The following RBFOX1 variants were observed in gnomAD, a reference collection of about 807,000 sequenced individuals.
RBFOX1 encodes the protein RNA binding protein fox-1 homolog 1.
Under a neutral mutation model 57.7 loss-of-function variants are expected in RBFOX1, and 8 were observed. The observed-to-expected ratio is 0.14, with a 90% confidence interval of 0.08 to 0.25. The LOEUF is 0.25. RBFOX1 is among the 10% of genes least tolerant of loss of function. The pLI is 1.00. For synonymous variants in RBFOX1, 326 were observed against 222.4 expected, an observed-to-expected ratio of 1.47 and a Z score of -4.15; for missense variants, 611 against 548.5, an observed-to-expected ratio of 1.11 and a Z score of -1.14.
intron 4 of RBFOX1, among the ~76,000 whole-genome samples, chr16:5,954,717 A>G (rs1288466039): frequency 1.3e-5 from 2 of 152,114 alleles, no homozygotes; most frequent in African/African-American, 2.4e-5. Context: ...GCCGTGAGCT[A>G]TTATTTCATC....
intron 3 of RBFOX1, among the ~76,000 whole-genome samples, chr16:6,791,628 G>A (rs1171126920): frequency 6.6e-6 from 1 of 152,166 alleles, no homozygotes; most frequent in African/African-American, 2.4e-5. Flanking sequence ...GTGTAGTGGT[G>A]CGTGCTTGTA....
chr16:5,399,721 G>A (rs912487311), intron 1 of RBFOX1, among the ~76,000 whole-genome samples: 1 of 151,038 alleles, frequency 6.6e-6, no homozygotes. Context: ...GGGTGACAGT[G>A]AGACCCTGTC....
At chr16:6,961,139 ACACACC>A (rs2082903738) in intron 3 of RBFOX1, among the ~76,000 whole-genome samples, 3 of 150,052 alleles carry the variant, frequency 2.0e-5, no homozygotes, top group Middle Eastern at 3.5e-3. Context: ...ACTCCATCAC[ACACACC>A]CACACAGACA....
intron 3 of RBFOX1, among the ~76,000 whole-genome samples, chr16:7,025,153 G>T (rs1202728751): frequency 6.6e-6 from 1 of 152,168 alleles, no homozygotes. Flanking sequence ...AGCCCTGAAG[G>T]CTGCTGCCTG....
chr16:7,209,484 C>G (rs1360666704), intron 4 of RBFOX1, among the ~76,000 whole-genome samples: 2 of 152,216 alleles, frequency 1.3e-5, no homozygotes, highest in African/African-American at 2.4e-5. Flanking sequence ...GGCCTTTGCA[C>G]TTGCAGTTGG....
At chr16:6,486,662 T>TA (rs1378568568) in intron 2 of RBFOX1, among the ~76,000 whole-genome samples, 3 of 151,836 alleles carry the variant, frequency 2.0e-5, no homozygotes, top group Admixed American at 6.6e-5. Flanking sequence ...TTTTATTATT[T>TA]TTTTTTTTGG....
chr16:5,889,375 T>C (rs551666709), intron 4 of RBFOX1, among the ~76,000 whole-genome samples: 1 of 152,344 alleles, frequency 6.6e-6, no homozygotes, highest in Non-Finnish European at 1.5e-5. Context: ...TCCAGTTCCA[T>C]GTCCCTGCAA....
Position 6,967,960 on chromosome 16 carries a change from C to G in RBFOX1, c.-15-84097C>G, listed in dbSNP as rs115794932. Among the ~76,000 whole-genome samples, 922 of 152,240 alleles carry G rather than the reference C, an allele frequency of 6.1e-3. 14 individuals carry two copies. Among genetic ancestry groups the G allele is most frequent in the African/African-American group, 0.021 (874 of 41,538 alleles). ...CGGGTGCCAGAAGGATAAAAACGCT[C>G]GGGGAGAGAGGTTGGCAGTTCTGCT... On this transcript the variant is annotated intron_variant, in intron 3 of 15. Transcript: ENST00000550418.
chr16:7,450,680 G>A (rs536135620), intron 4 of RBFOX1, among the ~76,000 whole-genome samples: 2 of 152,248 alleles, frequency 1.3e-5, no homozygotes, highest in Admixed American at 1.3e-4. Flanking sequence ...AAAGAAGGGT[G>A]TTGGCATCTA....
chr16:6,932,910 C>A (rs138863910), intron 3 of RBFOX1, among the ~76,000 whole-genome samples: 1 of 152,142 alleles, frequency 6.6e-6, no homozygotes, highest in African/African-American at 2.4e-5. Context: ...TATGTCTTCC[C>A]CCAGCCCCTG....
At chr16:6,314,059 G>A (rs183015788) in intron 1 of RBFOX1, among the ~76,000 whole-genome samples, 2 of 152,146 alleles carry the variant, frequency 1.3e-5, no homozygotes, top group African/African-American at 2.4e-5. Flanking sequence ...CAGATGTAAA[G>A]GTGTGGGTTT....
rs34402387 is a variant in RBFOX1, at chr16:7,054,233, C to CT, written c.27+2161dup. 5.1e-3 allele frequency among the ~76,000 whole-genome samples: 26 copies of CT among 5,130 alleles called. 7 individuals are homozygous for CT. Among genetic ancestry groups the CT allele is most frequent in the African/African-American group, 0.016 (15 of 938 alleles). The allele number at this position is 5,130 out of a possible 152,430, so 3.4% of individuals were successfully genotyped here. On this transcript the variant is annotated intron_variant, in intron 4 of 15. Coordinates refer to ENST00000550418, the MANE Select transcript of RBFOX1 (RefSeq NM_018723.4). Reference sequence around the variant, plus strand: ...TTTTTCGGGGGGGGGGGGCGGGGAGCTTTTTTTTTTTTTTTTTTTTTTTTT... The same window carrying CT: ...TTTTTCGGGGGGGGGGGGCGGGGAGCTTTTTTTTTTTTTTTTTTTTTTTTTT...
At chr16:7,678,770 T>G (rs1009205862) in intron 14 of RBFOX1, among the ~76,000 whole-genome samples, 2 of 152,190 alleles carry the variant, frequency 1.3e-5, no homozygotes, top group Non-Finnish European at 2.9e-5. Context: ...ATTTTTAAAT[T>G]TCTGCATTTT....
intron 3 of RBFOX1, among the ~76,000 whole-genome samples, chr16:6,659,284 G>A (rs891984518): frequency 1.3e-5 from 2 of 151,896 alleles, no homozygotes; most frequent in South Asian, 4.2e-4. Flanking sequence ...TTATCGCCTG[G>A]CCTGGTGCAG....
At chr16:6,790,298 C>T (rs1158872579) in intron 3 of RBFOX1, among the ~76,000 whole-genome samples, 2 of 151,820 alleles carry the variant, frequency 1.3e-5, no homozygotes, top group Non-Finnish European at 2.9e-5. Context: ...CATTCTCCTG[C>T]CTCAGCTTAC....
intron 4 of RBFOX1, among the ~76,000 whole-genome samples, chr16:7,101,975 T>TAG (rs1163438931): frequency 6.6e-6 from 1 of 152,196 alleles, no homozygotes; most frequent in Non-Finnish European, 1.5e-5. Flanking sequence ...CCTAGTGCTG[T>TAG]ATCCATCCAG....
intron 1 of RBFOX1, among the ~76,000 whole-genome samples, chr16:5,440,652 G>A (rs1410533679): frequency 6.6e-6 from 1 of 152,170 alleles, no homozygotes; most frequent in Non-Finnish European, 1.5e-5. Context: ...GCTGGAGGCT[G>A]TGATCTACCT....
intron 4 of RBFOX1, among the ~76,000 whole-genome samples, chr16:5,944,782 G>A (rs147800758): frequency 5.8e-4 from 13 of 22,602 alleles, no homozygotes; most frequent in Non-Finnish European, 1.1e-3. Flanking sequence ...GTGAAACCCT[G>A]TCTCTGCTAA....
chr16:6,247,783 T>C (rs1041678295), intron 1 of RBFOX1, among the ~76,000 whole-genome samples: 21 of 151,922 alleles, frequency 1.4e-4, no homozygotes, highest in Non-Finnish European at 3.1e-4. Flanking sequence ...AGAGAGAGAG[T>C]GAGTGCGTGC....
Sources: allele counts gnomAD v4.1 joint callset (sites outside exome capture counted in the v4.1 genomes callset), GRCh38; gene constraint gnomAD v4.1.1; transcripts MANE v1.5; gene names NCBI Gene and HGNC (gene_info 2026-07-23, HGNC 2026-07-21).